SLC35D4: variants seen among roughly 807,000 people sequenced by gnomAD.
SLC35D4 encodes UDP-N-acetylglucosamine transporter SLC35D4.
At chr18:23,377,341 A>G in the SLC35D4 span, among the ~76,000 whole-genome samples, 1 of 152,214 alleles carries the variant, frequency 6.6e-6, no homozygotes, top group South Asian at 2.1e-4. Context: ...TTTTTAAGTC[A>G]TTTCCATGTT....
At chr18:23,374,113 T>C in the SLC35D4 span, among the ~76,000 whole-genome samples, 1 of 152,190 alleles carries the variant, frequency 6.6e-6, no homozygotes, top group African/African-American at 2.4e-5. Context: ...CCCAAAAATA[T>C]ACAAGTGAAA....
At chr18:23,418,486 C>T in the SLC35D4 span, among the ~76,000 whole-genome samples, 2 of 151,310 alleles carry the variant, frequency 1.3e-5, no homozygotes, top group African/African-American at 4.8e-5. Context: ...ATTCTCCTGC[C>T]TCAGCCTCCC....
chr18:23,381,573 T>C, the SLC35D4 span, among the ~76,000 whole-genome samples: 1,001 of 152,202 alleles, frequency 6.6e-3, 9 homozygotes, highest in African/African-American at 0.023. Context: ...TTTGTTTTAA[T>C]AACAACAACA....
At chr18:23,393,827 C>T in the SLC35D4 span, among the ~76,000 whole-genome samples, 6 of 152,158 alleles carry the variant, frequency 3.9e-5, no homozygotes. Context: ...CCACATTGGT[C>T]AAGCTGGTCT....
the SLC35D4 span, among the ~76,000 whole-genome samples, chr18:23,382,172 G>A: frequency 4.1e-5 from 6 of 146,628 alleles, no homozygotes; most frequent in East Asian, 2.0e-4. Flanking sequence ...CCCGGGCAGC[G>A]TAGGTTACAG....
chr18:23,384,899 A>T, the SLC35D4 span: 1 of 1,104,190 alleles, frequency 9.1e-7, no homozygotes, highest in Non-Finnish European at 1.3e-6. Context: ...TGGCAGGAAG[A>T]GGCAGACACT....
the SLC35D4 span, among the ~76,000 whole-genome samples, chr18:23,271,965 T>C: frequency 6.6e-6 from 1 of 152,220 alleles, no homozygotes; most frequent in Non-Finnish European, 1.5e-5. Context: ...CATCTGGCTG[T>C]TCATCTGGAT....
the SLC35D4 span, among the ~76,000 whole-genome samples, chr18:23,285,526 G>A: frequency 2.6e-5 from 4 of 152,002 alleles, no homozygotes; most frequent in Non-Finnish European, 4.4e-5. Context: ...TGGGCAAATG[G>A]TCTGAGGTGC....
chr18:23,264,955 A>C, the SLC35D4 span, among the ~76,000 whole-genome samples: 1 of 152,160 alleles, frequency 6.6e-6, no homozygotes, highest in African/African-American at 2.4e-5. Context: ...TACACTTTTA[A>C]ATAACCAGAT....
chr18:23,267,873 TC>T, the SLC35D4 span, among the ~76,000 whole-genome samples: 2 of 151,850 alleles, frequency 1.3e-5, no homozygotes. Context: ...CTGAACAGAG[TC>T]CCCCTCTCAG....
the SLC35D4 span, among the ~76,000 whole-genome samples, chr18:23,251,618 C>A: frequency 6.6e-6 from 1 of 152,112 alleles, no homozygotes; most frequent in African/African-American, 2.4e-5. Flanking sequence ...CCAGGGTATT[C>A]AGAAAGGACT....
At chr18:23,375,183 G>A in the SLC35D4 span, among the ~76,000 whole-genome samples, 1 of 151,390 alleles carries the variant, frequency 6.6e-6, no homozygotes, top group Non-Finnish European at 1.5e-5. Context: ...CAGATAATAA[G>A]TGGCAACATT....
chr18:23,408,701 GACA>G, the SLC35D4 span, among the ~76,000 whole-genome samples: 1 of 151,804 alleles, frequency 6.6e-6, no homozygotes, highest in Non-Finnish European at 1.5e-5. Context: ...CTAGAACTGT[GACA>G]ACAACAAACT....
the SLC35D4 span, among the ~76,000 whole-genome samples, chr18:23,309,144 G>A: frequency 6.6e-6 from 1 of 151,284 alleles, no homozygotes; most frequent in Admixed American, 6.6e-5. Flanking sequence ...CAGTACAGAT[G>A]CAACCATTGC....
chr18:23,412,720 G>C, the SLC35D4 span, among the ~76,000 whole-genome samples: 2 of 152,156 alleles, frequency 1.3e-5, no homozygotes, highest in Admixed American at 1.3e-4. Context: ...ATGGCCCATA[G>C]ACCAAACCCC....
At chr18:23,370,263 T>C in the SLC35D4 span, 2 of 1,612,784 alleles carry the variant, frequency 1.2e-6, no homozygotes, top group Non-Finnish European at 1.7e-6. Flanking sequence ...TATAAGCCCC[T>C]GAAAATGAAA....
the SLC35D4 span, chr18:23,257,192 A>G: frequency 1.9e-6 from 3 of 1,605,878 alleles, no homozygotes; most frequent in Non-Finnish European, 2.5e-6. Context: ...TTTAATTTCA[A>G]AATGAACATG....
the SLC35D4 span, chr18:23,259,387 G>A: frequency 6.6e-6 from 1 of 152,294 alleles, no homozygotes; most frequent in East Asian, 1.9e-4. Context: ...GGGGAGAGAA[G>A]CCTGAGTCCT....
the SLC35D4 span, among the ~76,000 whole-genome samples, chr18:23,247,923 A>T: frequency 6.6e-6 from 1 of 152,298 alleles, no homozygotes; most frequent in Admixed American, 6.5e-5. Flanking sequence ...GTCTCGCAGC[A>T]TCTGCTCATG....
Sources: gnomAD v4.1 joint callset for allele counts (sites outside exome capture counted in the v4.1 genomes callset) on GRCh38, gnomAD v4.1.1 for gene constraint, MANE v1.5 for transcripts, NCBI Gene and HGNC (gene_info 2026-07-23, HGNC 2026-07-21) for gene names.